MTREX: variants seen among roughly 807,000 people sequenced by gnomAD.
MTREX encodes the protein exosome RNA helicase MTR4.
In MTREX, 76 loss-of-function variants were observed where a neutral mutation model predicts 135.4. The observed-to-expected ratio is 0.56, with a 90% CI of 0.47 to 0.68. The LOEUF (loss-of-function observed/expected upper bound fraction) is 0.68. Among genes scored for constraint, MTREX ranks in the 30% least tolerant of loss-of-function variants. The pLI is 0.00. For missense variants in MTREX, 920 were observed against 1,262.1 expected, an observed-to-expected ratio of 0.73 and a Z score of 4.11; for synonymous variants, 404 against 401.6, an observed-to-expected ratio of 1.01 and a Z score of -0.07.
intron 1 of MTREX, among the ~76,000 whole-genome samples, chr5:55,316,466 A>G (rs1460737028): frequency 6.6e-6 from 1 of 152,098 alleles, no homozygotes; most frequent in Non-Finnish European, 1.5e-5. Flanking sequence ...CCAGGATGCA[A>G]GGTTGGTTCA....
chr5:55,357,718 G>A (rs1365999523), intron 14 of MTREX, among the ~76,000 whole-genome samples: 2 of 152,130 alleles, frequency 1.3e-5, no homozygotes, highest in Non-Finnish European at 2.9e-5. Flanking sequence ...CTCTTTTTGA[G>A]TTACAGTTTT....
chr5:55,358,894 G>A (rs1749964269), intron 15 of MTREX, among the ~76,000 whole-genome samples, 196 bp downstream of exon 15: 1 of 152,166 alleles, frequency 6.6e-6, no homozygotes, highest in Non-Finnish European at 1.5e-5. Context: ...CTAATAGGTG[G>A]AGAGCAACTC....
chr5:55,360,045 CATCA>C (rs779225397), intron 15 of MTREX, among the ~76,000 whole-genome samples: 9 of 152,116 alleles, frequency 5.9e-5, no homozygotes, highest in Non-Finnish European at 1.0e-4. Context: ...AGAATATTTT[CATCA>C]ATCCAAAAAG....
At chr5:55,360,250 T>C (rs1171351396) in intron 15 of MTREX, among the ~76,000 whole-genome samples, 1 of 152,172 alleles carries the variant, frequency 6.6e-6, no homozygotes, top group East Asian at 1.9e-4. Flanking sequence ...TGTTTTCAAG[T>C]TTTATGCATG....
intron 3 of MTREX, among the ~76,000 whole-genome samples, chr5:55,325,479 G>A (rs975673679): frequency 1.3e-5 from 2 of 151,010 alleles, no homozygotes; most frequent in Non-Finnish European, 3.0e-5. Flanking sequence ...TTACAGGTGC[G>A]TGCCACCACG....
intron 25 of MTREX, among the ~76,000 whole-genome samples, chr5:55,419,871 A>C (rs548282034): frequency 4.5e-4 from 68 of 152,222 alleles, no homozygotes; most frequent in African/African-American, 1.6e-3. Flanking sequence ...TCCCCACCAC[A>C]CACATTCTCT....
intron 6 of MTREX, among the ~76,000 whole-genome samples, chr5:55,340,731 G>A (rs1749635348): frequency 6.6e-6 from 1 of 152,060 alleles, no homozygotes; most frequent in African/African-American, 2.4e-5. Context: ...ACAGGCGCCC[G>A]CCACCATGCC....
chr5:55,332,982 A>AT (rs1006638761), intron 5 of MTREX, among the ~76,000 whole-genome samples: 3 of 151,144 alleles, frequency 2.0e-5, no homozygotes, highest in East Asian at 1.9e-4. Context: ...GTTTTTATTG[A>AT]TTTTTTTCCC....
In MTREX at chr5:55,344,613, A is replaced by G. The variant is rs1396435473; in HGVS notation, c.998A>G (p.Asp333Gly). 1 of 1,585,100 alleles carries G rather than the reference A, an allele frequency of 6.3e-7. No individual in the cohort carries two copies. The highest frequency in any genetic ancestry group is 1.3e-5 in the African/African-American group (1 of 74,212). ...GGAGATGGCCTGCATCTTGTGGTTG[A>G]TGAAAATGTAAGAGAGTAATTGTCC... ...AGGDGLHLVVDENGDFREDNF... is the reference protein window; with the variant it reads ...AGGDGLHLVVGENGDFREDNF... Residue 333 changes from aspartate (D) to glycine (G), a missense_variant, in exon 9 of 27, where the codon GAT becomes GGT. Physicochemically the swap from Asp to Gly is moderately conservative, Grantham distance 94 (BLOSUM62 -1). This residue lies in a region of MTREX where 88 missense variants were observed against 202.5 expected (regional missense o/e 0.43). Coordinates refer to ENST00000230640, the MANE Select transcript of MTREX (RefSeq NM_015360.5).
chr5:55,337,467 A>T (rs554947100), intron 5 of MTREX, among the ~76,000 whole-genome samples: 2 of 152,040 alleles, frequency 1.3e-5, no homozygotes, highest in Non-Finnish European at 2.9e-5. Flanking sequence ...GAGGTTTTAG[A>T]TAATTCTTTA....
At chr5:55,371,665 C>T (rs1750205696) in intron 16 of MTREX, among the ~76,000 whole-genome samples, 1 of 152,126 alleles carries the variant, frequency 6.6e-6, no homozygotes, top group Non-Finnish European at 1.5e-5. Context: ...GTGGCAGTCT[C>T]ACAAACAAGT....
At chr5:55,350,491 A>C (rs1749808636) in intron 12 of MTREX, among the ~76,000 whole-genome samples, 1 of 152,234 alleles carries the variant, frequency 6.6e-6, no homozygotes, top group Non-Finnish European at 1.5e-5. Context: ...AGATTGTTGA[A>C]AGAATTCTTC....
In MTREX at chr5:55,347,003, G is replaced by T; in HGVS notation, c.1109-10G>T. 2 of 1,599,566 alleles carry T rather than the reference G, an allele frequency of 1.3e-6. No homozygotes were observed. The highest frequency in any genetic ancestry group is 2.3e-5 in the South Asian group (2 of 87,528). On this transcript the variant is annotated splice_polypyrimidine_tract_variant and intron_variant, in intron 10 of 26. Coordinates refer to ENST00000230640, the MANE Select transcript of MTREX (RefSeq NM_015360.5). ...AGTTAATTTTGGTGTGTTGTTTACT[G>T]TTTTTGCAGGACCATCAAATGTTTT...
chr5:55,422,784 A>T, intron 25 of MTREX, 94 bp from the exon 26 acceptor site: 1 of 868,202 alleles, frequency 1.2e-6, no homozygotes, highest in Non-Finnish European at 1.8e-6. Flanking sequence ...AGTACTATTA[A>T]TTATCGTGTG....
At chr5:55,414,325 AGTTT>A in intron 24 of MTREX, 87 bp downstream of exon 24, 5 of 1,066,978 alleles carry the variant, frequency 4.7e-6, no homozygotes, top group Non-Finnish European at 6.5e-6. Flanking sequence ...TAATCATAGT[AGTTT>A]ATCATTTCAC....
intron 19 of MTREX, among the ~76,000 whole-genome samples, chr5:55,395,226 C>T (rs912643241): frequency 2.0e-5 from 3 of 151,152 alleles, no homozygotes; most frequent in Non-Finnish European, 2.9e-5. Flanking sequence ...ATCAACATGG[C>T]GAAACCCCGT....
chr5:55,389,149 T>C lies in MTREX; in HGVS notation c.2181+1047T>C, dbSNP rs546515321. Among the ~76,000 whole-genome samples the C allele has an allele frequency of 2.0e-5, 3 of 152,334 alleles. No homozygotes were observed. The South Asian group carries it at 6.2e-4, about 32-fold the overall frequency. Reference sequence around the variant, plus strand: ...CTAGAATTCCACCACCAAGTGAAACTTGTGTGATTTTTATTTTTTTCTAAC... The same window carrying C: ...CTAGAATTCCACCACCAAGTGAAACCTGTGTGATTTTTATTTTTTTCTAAC... On this transcript the variant is annotated intron_variant, in intron 19 of 26. Transcript: ENST00000230640.
At chr5:55,423,173 T>G in intron 26 of MTREX, 191 bp downstream of exon 26, 5 of 567,588 alleles carry the variant, frequency 8.8e-6, no homozygotes. Flanking sequence ...ATACATGCAT[T>G]TACGTATATT....
At chr5:55,408,920 TA>T (rs56658634) in intron 22 of MTREX, among the ~76,000 whole-genome samples, 646 of 3,276 alleles carry the variant, frequency 0.2, 16 homozygotes, top group East Asian at 0.36. Flanking sequence ...ACAATATTTT[TA>T]TTTATTTATT....
Sources: gnomAD v4.1 joint callset for allele counts (sites outside exome capture counted in the v4.1 genomes callset) on GRCh38, gnomAD v4.1.1 for gene constraint, gnomAD v4.1.1 regional missense constraint, MANE v1.5 for transcripts, NCBI Gene and HGNC (gene_info 2026-07-23, HGNC 2026-07-21) for gene names.